Variants in KRT78 observed in about 807,000 individuals in gnomAD.
KRT78 encodes keratin, type II cytoskeletal 78.
KRT78 carries 55 observed loss-of-function variants against 51.4 expected under a neutral mutation model. The ratio of observed to expected loss-of-function variants is 1.07; its 90% CI spans 0.86 to 1.34. The LOEUF (loss-of-function observed/expected upper bound fraction) is 1.34. Among genes scored for constraint, KRT78 ranks in the 40% most tolerant of loss-of-function variants. KRT78 has a pLI of 0.00. For synonymous variants in KRT78, 291 were observed against 264.3 expected, an observed-to-expected ratio of 1.10 and a Z score of -0.98; for missense variants, 652 against 649.4, an observed-to-expected ratio of 1.00 and a Z score of -0.04.
chr12:52,844,419 T>C, intron 5 of KRT78, 140 bp downstream of exon 5: 1 of 1,201,948 alleles, frequency 8.3e-7, no homozygotes, highest in South Asian at 1.5e-5. Flanking sequence ...GGAGGGGAAA[T>C]GGCCCTGCCC....
At position 52,848,227 on chromosome 12, in the gene KRT78, G is replaced by A. The variant is rs759972811; in HGVS notation, c.385-106C>T. 24 of 1,546,980 alleles carry A rather than the reference G, an allele frequency of 1.6e-5. No homozygotes were observed. The South Asian group carries it at 2.5e-4, about 16-fold the overall frequency. On this transcript the variant is annotated intron_variant, in intron 1 of 8. Transcript: ENST00000304620. ...CTCCCATCAGCCTCACCTTTCCCCT[G>A]TCCCCCTGCCCAACCTGGGCAGGGG...
Position 52,844,225 on chromosome 12 carries a change from G to C in KRT78, c.922-7C>G, listed in dbSNP as rs750276417. The C allele has an allele frequency of 1.3e-6, 2 of 1,582,526 alleles. No individual in the cohort carries two copies. The highest frequency in any genetic ancestry group is 2.8e-5 in the African/African-American group (2 of 72,602). On this transcript the variant is annotated splice_region_variant and splice_polypyrimidine_tract_variant and intron_variant, in intron 5 of 8. Coordinates refer to ENST00000304620, the MANE Select transcript of KRT78 (RefSeq NM_173352.4). ...ACACCTGAAGTTCCTGGTACTGAGAGGGGAACAGAGGGGACACCATTAGTT... is the reference window on the plus strand; with the variant it reads ...ACACCTGAAGTTCCTGGTACTGAGACGGGAACAGAGGGGACACCATTAGTT...
At chr12:52,846,318 G>A (rs1047562939) in intron 3 of KRT78, 26 bp from the exon 4 acceptor site, 8 of 1,402,414 alleles carry the variant, frequency 5.7e-6, no homozygotes, top group South Asian at 4.6e-5. Context: ...GAGAGAACAC[G>A]TAACCCCCTC....
Position 52,839,123 on chromosome 12 carries a change from A to G in KRT78, c.1553T>C (p.Ile518Thr). 6.2e-7 allele frequency: 1 copy of G among 1,612,914 alleles called. No individual in the cohort carries two copies. The highest frequency in any genetic ancestry group is 8.5e-7 in the Non-Finnish European group (1 of 1,179,772). Residue 518 changes from isoleucine (I) to threonine (T), a missense_variant, in exon 9 of 9, where the codon ATC becomes ACC. Ile to Thr is a moderately conservative substitution (Grantham distance 89, BLOSUM62 -1). Coordinates refer to ENST00000304620, the MANE Select transcript of KRT78 (RefSeq NM_173352.4). ...KTVESSLKTS[I>T]TY ...TGGCTGCTGGGTCGCTCAGTAGGTGATGGATGTCTTCAGACTCGACTCAAC... is the reference window on the plus strand; with the variant it reads ...TGGCTGCTGGGTCGCTCAGTAGGTGGTGGATGTCTTCAGACTCGACTCAAC...
At chr12:52,846,414 C>T in intron 3 of KRT78, 122 bp from the exon 4 acceptor site, 2 of 718,172 alleles carry the variant, frequency 2.8e-6, no homozygotes, top group Non-Finnish European at 5.1e-6. Context: ...AAGACCCCCT[C>T]CTTCCTCCTC....
At position 52,839,248 on chromosome 12, in the gene KRT78, G is replaced by C; in HGVS notation, c.1428C>G (p.Ser476=). The C allele has an allele frequency of 6.2e-7, 1 of 1,611,928 alleles. No individual in the cohort carries two copies. The highest frequency in any genetic ancestry group is 2.2e-5 in the East Asian group (1 of 44,844). ...SCCTSIVTGG[S]NIILGSGKDP... is the part of the protein sequence containing the mutation. The stretch of plus-strand genomic sequence containing the variant: ...CCTTCCCAGAGCCCAGAATGATGTT[G>C]GAGCCTCCAGTCACAATGCTGGTGC... The change falls in exon 9 of 9, where the codon TCC becomes TCG. Residue 476 remains serine (S), a synonymous_variant. Transcript: ENST00000304620.
At position 52,844,679 on chromosome 12, in the gene KRT78, C is replaced by A. The variant is rs774063795; in HGVS notation, c.801G>T (p.Val267=). 4 of 1,613,980 alleles carry A rather than the reference C, an allele frequency of 2.5e-6. No homozygotes were observed. The highest frequency in any genetic ancestry group is 3.4e-6 in the Non-Finnish European group (4 of 1,179,906). The part of the protein sequence containing the change: ...LQTQASDTSV[V]LSMDNNRYLD... ...GGTAGCGGTTGTTGTCCATGGACAGCACCACAGACGTGTCGCTGGCCTGGG... is the reference window on the plus strand; with the variant it reads ...GGTAGCGGTTGTTGTCCATGGACAGAACCACAGACGTGTCGCTGGCCTGGG... Residue 267 remains valine (V), a synonymous_variant, in exon 5 of 9, where the codon GTG becomes GTT. Coordinates refer to ENST00000304620, the MANE Select transcript of KRT78 (RefSeq NM_173352.4).
intron 6 of KRT78, among the ~76,000 whole-genome samples, chr12:52,842,832 T>A (rs1394957740): frequency 6.6e-6 from 1 of 150,874 alleles, no homozygotes; most frequent in Non-Finnish European, 1.5e-5. Context: ...GCAGAATTGC[T>A]GGAACCTGGG....
Position 52,839,860 on chromosome 12 carries a change from C to T in KRT78, c.1172G>A (p.Arg391Gln), listed in dbSNP as rs201577513. Residue 391 changes from arginine to glutamine, a missense_variant, in exon 7 of 9, where the codon CGG (arginine) becomes CAG (glutamine). Physicochemically the swap from Arg to Gln is conservative, Grantham distance 43 (BLOSUM62 1). Coordinates refer to ENST00000304620, the MANE Select transcript of KRT78 (RefSeq NM_173352.4). ...CAGCTCCTGGTACTCGCACAGCAGCCGGGCCAGGTTCTGCTTGGCCATCCT... is the reference window on the plus strand; with the variant it reads ...CAGCTCCTGGTACTCGCACAGCAGCTGGGCCAGGTTCTGCTTGGCCATCCT... ...ALRMAKQNLA[R>Q]LLCEYQELTS... The T allele has an allele frequency of 7.2e-5, 117 of 1,614,062 alleles. No individual in the cohort carries two copies. Among genetic ancestry groups the T allele is most frequent in the Middle Eastern group, 1.7e-4 (1 of 6,060 alleles).
rs1344901179 is a variant in KRT78, at chr12:52,838,681, C to T, written c.*432G>A. On this transcript the variant is annotated 3_prime_UTR_variant, in exon 9 of 9. Coordinates refer to ENST00000304620, the MANE Select transcript of KRT78 (RefSeq NM_173352.4). Reference sequence around the variant, plus strand: ...AGGAACAAGAAGGAAGGGGGCTGCCCCAGTCAGGACTAGAACCTCTTAAAA... The same window carrying T: ...AGGAACAAGAAGGAAGGGGGCTGCCTCAGTCAGGACTAGAACCTCTTAAAA... 4 of 175,966 alleles carry T rather than the reference C, an allele frequency of 2.3e-5. No homozygotes were observed. The highest frequency in any genetic ancestry group is 2.2e-4 in the Admixed American group (4 of 18,240). 10.9% of individuals were successfully genotyped at this position (175,966 alleles called of 1,614,324 possible).
At chr12:52,842,391 C>T (rs901034087) in intron 6 of KRT78, among the ~76,000 whole-genome samples, 3 of 152,188 alleles carry the variant, frequency 2.0e-5, no homozygotes, top group African/African-American at 7.2e-5. Context: ...AGTGAGGTCT[C>T]TACACCGCAG....
chr12:52,841,699 G>C (rs968571340), intron 6 of KRT78, among the ~76,000 whole-genome samples: 8 of 152,172 alleles, frequency 5.3e-5, no homozygotes, highest in Non-Finnish European at 8.8e-5. Context: ...GGCTCAGAAA[G>C]AAGAGTGGCA....
chr12:52,848,421 C>A lies in KRT78; in HGVS notation c.384+126G>T, dbSNP rs1592147852. ...GAGTCCAGTTAGTCCACAGGAGGGA[C>A]TTCTTTGCTGCAGAAGTTATTAGAA... On this transcript the variant is annotated intron_variant, in intron 1 of 8. Transcript: ENST00000304620. 8 of 1,459,348 alleles carry A rather than the reference C, an allele frequency of 5.5e-6. No homozygotes were observed. In the East Asian group the frequency reaches 1.2e-4, roughly 22 times the overall value. The allele number at this position is 1,459,348 out of a possible 1,614,324, so 90.4% of individuals were successfully genotyped here. A position where few individuals can be genotyped will look rare whatever the true frequency, so the allele number is the denominator to read the frequency against.
chr12:52,842,216 C>A (rs2120397718), intron 6 of KRT78, among the ~76,000 whole-genome samples: 1 of 152,174 alleles, frequency 6.6e-6, no homozygotes, highest in South Asian at 2.1e-4. Context: ...AGTCAAGGGA[C>A]CACATGTGAC....
intron 6 of KRT78, among the ~76,000 whole-genome samples, chr12:52,841,362 C>T (rs138983928): frequency 0.013 from 1,911 of 151,872 alleles, 25 homozygotes; most frequent in African/African-American, 0.042. Context: ...TGGCACACAC[C>T]TGTAGTCCCA....
Position 52,847,932 on chromosome 12 carries a change from C to G in KRT78, c.574G>C (p.Asp192His), listed in dbSNP as rs1940681058. Residue 192 changes from aspartate to histidine, a missense_variant, in exon 2 of 9, where the codon GAC becomes CAC. Asp to His is a moderately conservative substitution (Grantham distance 81). Transcript: ENST00000304620. ...TTGGACTTATACTCCTCCTCCTGGT[C>G]CCGGCAGGCCTTCAACTCAGCATCC... ...ALDAELKACR[D>H]QEEEYKSKYE... is the part of the protein sequence containing the mutation. 6.2e-7 allele frequency: 1 copy of G among 1,614,178 alleles called. No individual in the cohort carries two copies. The highest frequency in any genetic ancestry group is 8.5e-7 in the Non-Finnish European group (1 of 1,180,028).
chr12:52,842,608 C>G (rs961198098), intron 6 of KRT78, among the ~76,000 whole-genome samples: 1 of 152,030 alleles, frequency 6.6e-6, no homozygotes, highest in South Asian at 2.1e-4. Flanking sequence ...AAGTAAGAGT[C>G]AAAAGAAGAG....
chr12:52,839,258 G>A lies in KRT78; in HGVS notation c.1418C>T (p.Thr473Ile). Residue 473 changes from threonine (T) to isoleucine (I), a missense_variant, in exon 9 of 9, where the codon ACT (threonine) becomes ATT (isoleucine). Physicochemically the swap from Thr to Ile is moderately conservative, Grantham distance 89. Transcript: ENST00000304620. ...GCCCAGAATGATGTTGGAGCCTCCA[G>A]TCACAATGCTGGTGCAGCAGGACCC... is the stretch of plus-strand genomic sequence containing the variant. Reference protein sequence around the residue: ...SPGSCCTSIVTGGSNIILGSG... With the variant: ...SPGSCCTSIVIGGSNIILGSG... 6.2e-7 allele frequency: 1 copy of A among 1,612,356 alleles called. No homozygotes were observed. The highest frequency in any genetic ancestry group is 8.5e-7 in the Non-Finnish European group (1 of 1,179,266).
Position 52,846,713 on chromosome 12 carries a change from G to A in KRT78, c.660+51C>T, listed in dbSNP as rs573665138. ...CCCTCCCAGCCTAGGACTAGGCTCC[G>A]TGCACAGTGGATGCTCAGAACGTAA... On this transcript the variant is annotated intron_variant, in intron 3 of 8. Transcript: ENST00000304620. 183 of 1,510,044 alleles carry A rather than the reference G, an allele frequency of 1.2e-4. 2 individuals are homozygous for A. In the South Asian group the frequency reaches 1.5e-3, roughly 13 times the overall value. 93.5% of individuals were successfully genotyped at this position (1,510,044 alleles called of 1,614,324 possible). A position where few individuals can be genotyped will look rare whatever the true frequency, so the allele number is the denominator to read the frequency against.
Sources: allele counts gnomAD v4.1 joint callset (sites outside exome capture counted in the v4.1 genomes callset), GRCh38; gene constraint gnomAD v4.1.1; transcripts MANE v1.5; gene names NCBI Gene and HGNC (gene_info 2026-07-23, HGNC 2026-07-21).